Variants in NAALADL2 observed in about 807,000 individuals in gnomAD.
NAALADL2 encodes N-acetylated alpha-linked acidic dipeptidase like 2.
NAALADL2 carries 76 observed loss-of-function variants against 87.2 expected under a neutral mutation model. The ratio of observed to expected loss-of-function variants is 0.87; its 90% CI spans 0.72 to 1.05. The LOEUF (loss-of-function observed/expected upper bound fraction) is 1.05. Ranked by LOEUF, NAALADL2 falls within the 50% of genes least tolerant of loss-of-function variation. The pLI is 0.00. For missense variants in NAALADL2, 1,089 were observed against 945.8 expected (o/e 1.15, Z -1.99); for synonymous variants, 354 against 331.0 (o/e 1.07, Z -0.75).
At chr3:174,674,696 G>A (rs1002221875) in intron 2 of NAALADL2, among the ~76,000 whole-genome samples, 6 of 151,684 alleles carry the variant, frequency 4.0e-5, no homozygotes, top group Admixed American at 4.0e-4. Context: ...GAGGAAACAG[G>A]GTCTATTTTT....
intron 2 of NAALADL2, among the ~76,000 whole-genome samples, chr3:174,729,307 T>G (rs1329193079): frequency 6.6e-6 from 1 of 152,040 alleles, no homozygotes; most frequent in Admixed American, 6.6e-5. Context: ...TTAATACTTA[T>G]AAAAGGTCAA....
intron 1 of NAALADL2, among the ~76,000 whole-genome samples, chr3:175,083,808 A>T (rs1358738526): frequency 6.6e-6 from 1 of 152,242 alleles, no homozygotes; most frequent in Non-Finnish European, 1.5e-5. Context: ...AATGACAATT[A>T]TCTGACCCAA....
At chr3:174,498,091 GT>G (rs1161114358) in intron 1 of NAALADL2, among the ~76,000 whole-genome samples, 1 of 152,016 alleles carries the variant, frequency 6.6e-6, no homozygotes, top group African/African-American at 2.4e-5. Context: ...AATTTATGAA[GT>G]TTTGACATAT....
intron 1 of NAALADL2, among the ~76,000 whole-genome samples, chr3:174,537,233 A>G (rs766395206): frequency 2.0e-5 from 3 of 152,198 alleles, no homozygotes; most frequent in Non-Finnish European, 2.9e-5. Context: ...AAAAAAGACA[A>G]CTAATTAGAA....
chr3:175,309,171 A>G (rs1758046559), intron 4 of NAALADL2, among the ~76,000 whole-genome samples: 1 of 152,164 alleles, frequency 6.6e-6, no homozygotes, highest in South Asian at 2.1e-4. Flanking sequence ...AGGAAAATGT[A>G]ATAAATCATG....
chr3:175,069,545 C>T (rs1715195928), intron 1 of NAALADL2, among the ~76,000 whole-genome samples: 1 of 150,218 alleles, frequency 6.7e-6, no homozygotes, highest in South Asian at 2.1e-4. Flanking sequence ...GAAATAGGAA[C>T]ACTTTTACAG....
chr3:174,956,669 A>T (rs1482235735), intron 1 of NAALADL2, among the ~76,000 whole-genome samples: 1 of 152,028 alleles, frequency 6.6e-6, no homozygotes, highest in Non-Finnish European at 1.5e-5. Flanking sequence ...CTCTTGGAGG[A>T]TCTAAAAACA....
chr3:175,374,281 C>T (rs1455453794), intron 5 of NAALADL2, among the ~76,000 whole-genome samples: 2 of 151,548 alleles, frequency 1.3e-5, no homozygotes, highest in East Asian at 1.9e-4. Context: ...TGGCTGGGCA[C>T]GGTGGCTCAT....
At chr3:175,310,605 A>T (rs141452007) in intron 4 of NAALADL2, among the ~76,000 whole-genome samples, 181 of 152,114 alleles carry the variant, frequency 1.2e-3, no homozygotes, top group Middle Eastern at 6.9e-3. Flanking sequence ...TGGTAGCTTA[A>T]TAAAAAATTT....
intron 3 of NAALADL2, among the ~76,000 whole-genome samples, chr3:174,798,835 G>A (rs1226199877): frequency 6.6e-6 from 1 of 151,744 alleles, no homozygotes; most frequent in African/African-American, 2.4e-5. Flanking sequence ...GATTCCTATG[G>A]ATTTTTTTAT....
chr3:175,510,079 T>C (rs1710354001), intron 9 of NAALADL2, among the ~76,000 whole-genome samples: 1 of 144,598 alleles, frequency 6.9e-6, no homozygotes, highest in African/African-American at 2.5e-5. Context: ...AATTCCCACC[T>C]ATGAGTGAGA....
chr3:175,503,396 G>A (rs1729830195), intron 9 of NAALADL2, among the ~76,000 whole-genome samples: 1 of 152,088 alleles, frequency 6.6e-6, no homozygotes, highest in African/African-American at 2.4e-5. Context: ...ACATACATAT[G>A]CATTGTGTCT....
rs112507871 is a variant in NAALADL2 at position 174,448,011 on chromosome 3, C to G, written c.-184+6979C>G. ...TATCTGCTTTGGTTTGATTTGCTTTCCTGGTGTTTACCCACACTGATCTTT... is the reference window on the plus strand; with the variant it reads ...TATCTGCTTTGGTTTGATTTGCTTTGCTGGTGTTTACCCACACTGATCTTT... On this transcript the variant is annotated intron_variant, in intron 1 of 3. Transcript: ENST00000434257. Among the ~76,000 whole-genome samples the G allele has an allele frequency of 5.3e-3, 812 of 152,222 alleles. 6 individuals are homozygous for G. The highest frequency in any genetic ancestry group is 0.041 in the East Asian group (211 of 5,172).
At chr3:174,929,367 C>T (rs1336432265) in intron 1 of NAALADL2, among the ~76,000 whole-genome samples, 1 of 152,116 alleles carries the variant, frequency 6.6e-6, no homozygotes, top group Non-Finnish European at 1.5e-5. Context: ...TGATGAATGA[C>T]ACAGCCAGTA....
chr3:174,445,612 A>G (rs1467593856), intron 1 of NAALADL2, among the ~76,000 whole-genome samples: 1 of 152,034 alleles, frequency 6.6e-6, no homozygotes, highest in Non-Finnish European at 1.5e-5. Flanking sequence ...CTCCCCTTCT[A>G]CCTCTCTTTC....
At chr3:175,379,113 G>A (rs1356426263) in intron 5 of NAALADL2, among the ~76,000 whole-genome samples, 2 of 151,740 alleles carry the variant, frequency 1.3e-5, no homozygotes, top group African/African-American at 4.8e-5. Flanking sequence ...TGGACAGATT[G>A]CCTGTCCCCA....
At chr3:175,546,296 A>G (rs1713304995) in intron 9 of NAALADL2, among the ~76,000 whole-genome samples, 1 of 151,956 alleles carries the variant, frequency 6.6e-6, no homozygotes, top group Admixed American at 6.6e-5. Context: ...TGCATGTGAG[A>G]CGGGTCTCTT....
intron 3 of NAALADL2, among the ~76,000 whole-genome samples, chr3:174,823,998 A>C (rs1721713002): frequency 6.6e-6 from 1 of 152,178 alleles, no homozygotes; most frequent in African/African-American, 2.4e-5. Flanking sequence ...TATGAGCCAA[A>C]TGGATTGGTT....
At chr3:175,094,738 A>AG (rs2108352239) in intron 1 of NAALADL2, among the ~76,000 whole-genome samples, 1 of 118,466 alleles carries the variant, frequency 8.4e-6, no homozygotes, top group African/African-American at 3.0e-5. Context: ...AATGTTAAAA[A>AG]AAAAGCACCA....
Sources: allele counts gnomAD v4.1 joint callset (sites outside exome capture counted in the v4.1 genomes callset), GRCh38; gene constraint gnomAD v4.1.1; transcripts MANE v1.5; gene names NCBI Gene and HGNC (gene_info 2026-07-23, HGNC 2026-07-21).